Variants in COA1 observed in about 807,000 individuals in gnomAD.
COA1 encodes cytochrome c oxidase assembly factor 1.
COA1 carries 13 observed loss-of-function variants against 16.0 expected under a neutral mutation model. That is an observed-to-expected ratio of 0.81 (90% confidence interval 0.53 to 1.29). COA1 has a LOEUF of 1.29. COA1 is among the 50% of genes most tolerant of loss of function. COA1 has a pLI of 0.00. For synonymous variants in COA1, 65 were observed against 65.7 expected (o/e 0.99, Z 0.05); for missense variants, 179 against 177.0 (o/e 1.01, Z -0.06).
chr7:43,691,412 GAAGAAAGAAAAAGA>G (rs1367407958), intron 1 of COA1, among the ~76,000 whole-genome samples: 2 of 88,692 alleles, frequency 2.3e-5, no homozygotes, highest in African/African-American at 4.8e-5. Context: ...AGGAAGGAAG[GAAGAAAGAAAAAGA>G]AAGAAAGAAA....
chr7:43,691,835 G>A (rs1296289612), intron 1 of COA1, among the ~76,000 whole-genome samples: 6 of 152,212 alleles, frequency 3.9e-5, no homozygotes, highest in Non-Finnish European at 7.3e-5. Flanking sequence ...TGCTGACTGT[G>A]CTCCCGGGTT....
In COA1 at chr7:43,704,867, A is replaced by G. The variant is rs2094910558; in HGVS notation, c.-39+24562T>C. On this transcript the variant is annotated intron_variant, in intron 1 of 5. Transcript: ENST00000223336. Reference sequence around the variant, plus strand: ...AGCTAGTGCAGTCGTTTGGAGGTTAAAAAAACACTCTGGCTTTTAGAGTTG... The same window carrying G: ...AGCTAGTGCAGTCGTTTGGAGGTTAGAAAAACACTCTGGCTTTTAGAGTTG... 3.3e-5 allele frequency among the ~76,000 whole-genome samples: 5 copies of G among 152,176 alleles called. No individual in the cohort carries two copies. The South Asian group carries it at 1.0e-3, about 31-fold the overall frequency.
chr7:43,705,689 C>A (rs2094942829), intron 1 of COA1, among the ~76,000 whole-genome samples: 1 of 152,188 alleles, frequency 6.6e-6, no homozygotes, highest in Non-Finnish European at 1.5e-5. Flanking sequence ...ACTGTTCCCA[C>A]AACAAACCCT....
intron 1 of COA1, among the ~76,000 whole-genome samples, chr7:43,653,447 T>C (rs7787248): frequency 0.81 from 123,091 of 152,152 alleles, 50,026 homozygotes; most frequent in African/African-American, 0.87. Flanking sequence ...TAAAAGCATG[T>C]GAGTAAACAT....
chr7:43,691,285 G>GA lies in COA1; in HGVS notation c.-39+38143dup, dbSNP rs1429847025. On this transcript the variant is annotated intron_variant, in intron 1 of 5. Coordinates refer to ENST00000223336, the MANE Select transcript of COA1 (RefSeq NM_018224.4). ...GAAAGAAAAGAAAGAAAGAAAGAAAGAAAGAAAGAAAGAAAGAAAGAAAGA... is the reference window on the plus strand; with the variant it reads ...GAAAGAAAAGAAAGAAAGAAAGAAAGAAAAGAAAGAAAGAAAGAAAGAAAGA... 4.2e-3 allele frequency among the ~76,000 whole-genome samples: 171 copies of GA among 40,978 alleles called. 3 individuals carry two copies. Among genetic ancestry groups the GA allele is most frequent in the South Asian group, 7.5e-3 (5 of 668 alleles). The allele number at this position is 40,978 out of a possible 152,430, so 26.9% of individuals were successfully genotyped here. A position where few individuals can be genotyped will look rare whatever the true frequency, so the allele number is the denominator to read the frequency against.
At chr7:43,687,172 G>T (rs2094075268) in intron 1 of COA1, among the ~76,000 whole-genome samples, 1 of 152,134 alleles carries the variant, frequency 6.6e-6, no homozygotes. Context: ...CTCAGAATCT[G>T]CCCTGAAGTT....
chr7:43,685,150 C>T (rs1190614252), intron 1 of COA1, among the ~76,000 whole-genome samples: 5 of 133,392 alleles, frequency 3.7e-5, no homozygotes, highest in South Asian at 2.3e-4. Flanking sequence ...AGACTCCCAT[C>T]TCTTAAAAAA....
intron 6 of COA1, among the ~76,000 whole-genome samples, chr7:43,611,306 T>C (rs1398795805): frequency 6.6e-6 from 1 of 152,250 alleles, no homozygotes; most frequent in Non-Finnish European, 1.5e-5. Flanking sequence ...TTTCTTGTTC[T>C]CTTTTGAAAG....
At chr7:43,621,850 C>T (rs970814316) in intron 6 of COA1, among the ~76,000 whole-genome samples, 4 of 139,394 alleles carry the variant, frequency 2.9e-5, no homozygotes, top group Non-Finnish European at 6.1e-5. Context: ...AGGGACTCTC[C>T]TCTTTTTCCT....
At chr7:43,610,819 CAAGA>C (rs1324978172) in intron 6 of COA1, among the ~76,000 whole-genome samples, 11 of 151,270 alleles carry the variant, frequency 7.3e-5, no homozygotes, top group Non-Finnish European at 4.4e-5. Context: ...GGCGCACTCT[CAAGA>C]AGGAGTGTAC....
At chr7:43,702,172 T>G (rs2094771956) in intron 1 of COA1, among the ~76,000 whole-genome samples, 1 of 152,094 alleles carries the variant, frequency 6.6e-6, no homozygotes, top group East Asian at 1.9e-4. Context: ...ATGTTGGACC[T>G]ATGACAAAAC....
At chr7:43,715,101 T>G (rs1190858822) in intron 1 of COA1, among the ~76,000 whole-genome samples, 1 of 151,852 alleles carries the variant, frequency 6.6e-6, no homozygotes, top group African/African-American at 2.4e-5. Flanking sequence ...AATACTGTAT[T>G]TAGAAGTTAT....
At chr7:43,627,977 CTTGTT>C (rs1563180214) in intron 6 of COA1, among the ~76,000 whole-genome samples, 1 of 151,974 alleles carries the variant, frequency 6.6e-6, no homozygotes, top group Non-Finnish European at 1.5e-5. Flanking sequence ...GTTGCTTTTT[CTTGTT>C]TTGTTTTGTG....
intron 1 of COA1, among the ~76,000 whole-genome samples, chr7:43,682,534 T>C (rs1261243217): frequency 1.3e-5 from 2 of 152,192 alleles, no homozygotes; most frequent in South Asian, 4.1e-4. Context: ...AACAGAAAGA[T>C]GAAAATTGAG....
intron 6 of COA1, among the ~76,000 whole-genome samples, chr7:43,617,125 A>C (rs909535498): frequency 9.2e-5 from 14 of 151,902 alleles, no homozygotes; most frequent in Non-Finnish European, 1.9e-4. Context: ...GTCCCGTGGG[A>C]CCCAGCTTCA....
chr7:43,628,828 C>G (rs2084889336), intron 6 of COA1, among the ~76,000 whole-genome samples: 1 of 152,154 alleles, frequency 6.6e-6, no homozygotes, highest in Admixed American at 6.5e-5. Flanking sequence ...TGCCTGTTCT[C>G]AGTAGTATCT....
chr7:43,629,596 A>G (rs865776812), intron 6 of COA1, among the ~76,000 whole-genome samples: 1 of 152,138 alleles, frequency 6.6e-6, no homozygotes. Flanking sequence ...TTAGCTCATC[A>G]TGCCTAACCA....
intron 1 of COA1, among the ~76,000 whole-genome samples, chr7:43,721,836 G>C (rs112237885): frequency 6.6e-6 from 1 of 151,864 alleles, no homozygotes; most frequent in Non-Finnish European, 1.5e-5. Context: ...GGGAAAAGTC[G>C]TAAGTTATAA....
Position 43,648,610 on chromosome 7 carries a change from A to G in COA1, c.5T>C (p.Met2Thr). 6.2e-7 allele frequency: 1 copy of G among 1,614,142 alleles called. No individual in the cohort carries two copies. The highest frequency in any genetic ancestry group is 8.5e-7 in the Non-Finnish European group (1 of 1,179,998). Residue 2 changes from methionine to threonine, a missense_variant, in exon 2 of 6, where the codon ATG becomes ACG. By Grantham distance (81) the Met-to-Thr change is moderately conservative. Coordinates refer to ENST00000223336, the MANE Select transcript of COA1 (RefSeq NM_018224.4). ...GGAACATTCCATTACCTTTTGCCAC[A>G]TCATAGCACAACTCTCTTGAAAATC... Reference protein sequence around the residue: MMWQKYAGSRRS... With the variant: MTWQKYAGSRRS...
Sources: allele counts gnomAD v4.1 joint callset (sites outside exome capture counted in the v4.1 genomes callset), GRCh38; gene constraint gnomAD v4.1.1; transcripts MANE v1.5; gene names NCBI Gene and HGNC (gene_info 2026-07-23, HGNC 2026-07-21).